The following BDKRB1 variants were observed in gnomAD, a reference collection of about 807,000 sequenced individuals.
BDKRB1 encodes B1 bradykinin receptor.
For synonymous variants in BDKRB1, 192 were observed against 189.1 expected (o/e 1.02, Z -0.13); for missense variants, 414 against 441.4 (o/e 0.94, Z 0.56).
chr14:96,256,977 A>G (rs1026884496), intron 1 of BDKRB1, among the ~76,000 whole-genome samples: 6 of 152,254 alleles, frequency 3.9e-5, no homozygotes, highest in Non-Finnish European at 5.9e-5. Context: ...GAGTTCTTCA[A>G]ATAGGGTCAC....
At chr14:96,262,567 G>C in intron 1 of BDKRB1, 85 bp from the exon 2 acceptor site, 1 of 411,756 alleles carries the variant, frequency 2.4e-6, no homozygotes, top group South Asian at 1.9e-5. Context: ...TATTACTCAT[G>C]CTTTCCTTTC....
chr14:96,264,349 T>C lies in BDKRB1; in HGVS notation c.667T>C (p.Tyr223His). Residue 223 changes from tyrosine (Y) to histidine (H), a missense_variant, in exon 3 of 3, where the codon TAC (tyrosine) becomes CAC (histidine). Coordinates refer to ENST00000216629, the MANE Select transcript of BDKRB1 (RefSeq NM_000710.4). ...ACTGGCTGCGATCGTCTTCTTCAAC[T>C]ACCACATCCTGGCCTCCCTGCGAAC... ...LPLAAIVFFN[Y>H]HILASLRTRE... is the part of the protein sequence containing the mutation. The C allele has an allele frequency of 6.2e-7, 1 of 1,614,212 alleles. No individual in the cohort carries two copies.
rs545891197 is a variant in BDKRB1, at chr14:96,261,352, T to G, written c.-129-1300T>G. ...AATACCTAGAACAGTGCCTGGCACA[T>G]AGTACATTCTCAGTAAATACTTGTT... On this transcript the variant is annotated intron_variant, in intron 1 of 2. Transcript: ENST00000216629. Among the ~76,000 whole-genome samples the G allele has an allele frequency of 3.3e-5, 5 of 152,346 alleles. No individual in the cohort carries two copies. In the South Asian group the frequency reaches 1.0e-3, roughly 32 times the overall value.
rs2139817320 is a variant in BDKRB1, at chr14:96,264,353, A to G, written c.671A>G (p.His224Arg). The change falls in exon 3 of 3, where the codon CAC becomes CGC. Residue 224 changes from histidine (H) to arginine (R), a missense_variant. Transcript: ENST00000216629. ...PLAAIVFFNY[H>R]ILASLRTREE... Reference sequence around the variant, plus strand: ...GCTGCGATCGTCTTCTTCAACTACCACATCCTGGCCTCCCTGCGAACGCGG... The same window carrying G: ...GCTGCGATCGTCTTCTTCAACTACCGCATCCTGGCCTCCCTGCGAACGCGG... The G allele has an allele frequency of 6.2e-7, 1 of 1,614,090 alleles. No homozygotes were observed. The highest frequency in any genetic ancestry group is 2.2e-5 in the East Asian group (1 of 44,860).
In BDKRB1 at chr14:96,264,734, G is replaced by A; in HGVS notation, c.1052G>A (p.Trp351Ter). 5 of 1,607,162 alleles carry A rather than the reference G, an allele frequency of 3.1e-6. No individual in the cohort carries two copies. In the South Asian group the frequency reaches 4.5e-5, roughly 14 times the overall value. The change falls in exon 3 of 3, where the codon TGG becomes TAG. Residue 351 changes from tryptophan (W) to a stop codon, truncating the protein, a stop_gained. Coordinates refer to ENST00000216629, the MANE Select transcript of BDKRB1 (RefSeq NM_000710.4). LOFTEE classifies it high-confidence loss of function. ...SHRKEIFQLF[W>*]RN ...AGGAAAGAAATCTTCCAACTTTTCT[G>A]GCGGAATTAAAACAGCATTGAACCA...
Position 96,263,870 on chromosome 14 carries a change from T to C in BDKRB1, c.188T>C (p.Leu63Pro). ...LGNLFVLLVF[L>P]LPRRQLNVAE... ...AACCTTTTTGTCCTGTTGGTCTTCCTCCTGCCCCGGCGGCAACTGAACGTG... is the reference window on the plus strand; with the variant it reads ...AACCTTTTTGTCCTGTTGGTCTTCCCCCTGCCCCGGCGGCAACTGAACGTG... The change falls in exon 3 of 3, where the codon CTC becomes CCC. Residue 63 changes from leucine (L) to proline (P), a missense_variant. Coordinates refer to ENST00000216629, the MANE Select transcript of BDKRB1 (RefSeq NM_000710.4). The C allele has an allele frequency of 6.2e-7, 1 of 1,614,228 alleles. No homozygotes were observed. The highest frequency in any genetic ancestry group is 1.1e-5 in the South Asian group (1 of 91,088).
At chr14:96,258,811 C>T (rs1369431633) in intron 1 of BDKRB1, among the ~76,000 whole-genome samples, 2 of 152,088 alleles carry the variant, frequency 1.3e-5, no homozygotes, top group African/African-American at 4.8e-5. Flanking sequence ...ATGAGCCACA[C>T]CGTGCCCAGC....
chr14:96,260,749 C>T (rs371750207), intron 1 of BDKRB1, among the ~76,000 whole-genome samples: 103 of 152,274 alleles, frequency 6.8e-4, no homozygotes, highest in Middle Eastern at 3.4e-3. Context: ...ATCTGTCAAC[C>T]GGCAGCTGTG....
At position 96,264,253 on chromosome 14, in the gene BDKRB1, C is replaced by T; in HGVS notation, c.571C>T (p.Leu191=). 6.2e-7 allele frequency: 1 copy of T among 1,614,202 alleles called. No homozygotes were observed. Among genetic ancestry groups the T allele is most frequent in the Non-Finnish European group, 8.5e-7 (1 of 1,180,034 alleles). ...VPDLNITACI[L]LLPHEAWHFA... ...AGATCTGAACATCACCGCCTGCATCCTGCTCCTCCCCCATGAGGCCTGGCA... is the reference window on the plus strand; with the variant it reads ...AGATCTGAACATCACCGCCTGCATCTTGCTCCTCCCCCATGAGGCCTGGCA... Residue 191 remains leucine, a synonymous_variant, in exon 3 of 3, where the codon CTG becomes TTG. Transcript: ENST00000216629.
intron 1 of BDKRB1, among the ~76,000 whole-genome samples, chr14:96,259,150 C>T (rs1048868596): frequency 5.3e-5 from 8 of 152,146 alleles, no homozygotes; most frequent in South Asian, 2.1e-4. Context: ...TGAAAGTTGA[C>T]GTTTTGCTGC....
intron 1 of BDKRB1, among the ~76,000 whole-genome samples, chr14:96,258,981 TAA>T (rs1028761133): frequency 8.5e-5 from 13 of 152,342 alleles, no homozygotes; most frequent in Non-Finnish European, 7.4e-5. Flanking sequence ...TTTATCCAAT[TAA>T]AAAGATTCTT....
At chr14:96,263,088 C>T (rs1595276105) in intron 2 of BDKRB1, among the ~76,000 whole-genome samples, 1 of 152,140 alleles carries the variant, frequency 6.6e-6, no homozygotes, top group Admixed American at 6.5e-5. Context: ...GTCTGCAGCC[C>T]CATGAGGCTG....
At chr14:96,262,606 C>CCTTTTTTTTTTTTTTTTTT in intron 1 of BDKRB1, 46 bp from the exon 2 acceptor site, 18 of 308,808 alleles carry the variant, frequency 5.8e-5, no homozygotes, top group Admixed American at 9.5e-5. Context: ...TCTCTCTCTC[C>CCTTTTTTTTTTTTTTTTTT]TTTTTTTTTT....
chr14:96,258,066 G>A (rs150570819), intron 1 of BDKRB1, among the ~76,000 whole-genome samples: 23 of 152,268 alleles, frequency 1.5e-4, no homozygotes, highest in African/African-American at 5.5e-4. Flanking sequence ...TATTGATGGT[G>A]TTATAAAGTA....
At chr14:96,257,670 C>T (rs575552983) in intron 1 of BDKRB1, among the ~76,000 whole-genome samples, 2 of 152,274 alleles carry the variant, frequency 1.3e-5, no homozygotes, top group South Asian at 2.1e-4. Context: ...AACCAATCGC[C>T]GGGGAATTCT....
chr14:96,263,547 C>A, intron 2 of BDKRB1, 126 bp from the exon 3 acceptor site: 4 of 1,025,084 alleles, frequency 3.9e-6, no homozygotes, highest in East Asian at 2.6e-5. Context: ...GTAGATAATA[C>A]GTCCAGGAAT....
intron 2 of BDKRB1, 84 bp downstream of exon 2, chr14:96,262,854 C>T (rs1476079968): frequency 5.6e-6 from 2 of 355,612 alleles, no homozygotes; most frequent in Non-Finnish European, 1.1e-5. Context: ...TCTTGAACTC[C>T]TGGGTTCATC....
At chr14:96,260,945 A>G (rs918843928) in intron 1 of BDKRB1, among the ~76,000 whole-genome samples, 1 of 151,974 alleles carries the variant, frequency 6.6e-6, no homozygotes, top group Non-Finnish European at 1.5e-5. Flanking sequence ...TTATATCTCA[A>G]CCTTAACAAT....
At chr14:96,261,204 A>T (rs1885741622) in intron 1 of BDKRB1, among the ~76,000 whole-genome samples, 1 of 152,096 alleles carries the variant, frequency 6.6e-6, no homozygotes, top group African/African-American at 2.4e-5. Flanking sequence ...TACTCTCCCC[A>T]GCTGTCACCC....
Sources: gnomAD v4.1 joint callset for allele counts (sites outside exome capture counted in the v4.1 genomes callset) on GRCh38, gnomAD v4.1.1 for gene constraint, MANE v1.5 for transcripts, NCBI Gene and HGNC (gene_info 2026-07-23, HGNC 2026-07-21) for gene names.